The following CCDC171 variants were observed in gnomAD, a reference collection of about 807,000 sequenced individuals.
CCDC171 encodes coiled-coil domain-containing protein 171.
A neutral mutation model predicts 168.2 loss-of-function variants in CCDC171; 177 were observed. The ratio of observed to expected loss-of-function variants is 1.05; its 90% CI spans 0.93 to 1.19. The LOEUF is 1.19. Ranked by LOEUF, CCDC171 falls within the 50% of genes most tolerant of loss-of-function variation. CCDC171 has a pLI of 0.00. For synonymous variants in CCDC171, 687 were observed against 540.8 expected (o/e 1.27, Z -3.75); for missense variants, 1,991 against 1,539.0 (o/e 1.29, Z -4.91).
intron 1 of CCDC171, among the ~76,000 whole-genome samples, chr9:16,045,863 A>G (rs948471044): frequency 6.6e-6 from 1 of 152,170 alleles, no homozygotes; most frequent in Non-Finnish European, 1.5e-5. Flanking sequence ...AATCCTCTCT[A>G]AGAAAAGGTT....
At chr9:15,924,119 A>G (rs1035002616) in intron 25 of CCDC171, among the ~76,000 whole-genome samples, 2 of 151,546 alleles carry the variant, frequency 1.3e-5, no homozygotes, top group Non-Finnish European at 3.0e-5. Flanking sequence ...AGAAGGGAAA[A>G]TCTTCTAAAG....
intron 3 of CCDC171, among the ~76,000 whole-genome samples, chr9:16,002,820 C>T (rs1832592729): frequency 6.6e-6 from 1 of 152,146 alleles, no homozygotes; most frequent in South Asian, 2.1e-4. Flanking sequence ...TTGTACTGTA[C>T]TTTTGCTATG....
intron 14 of CCDC171, among the ~76,000 whole-genome samples, chr9:15,726,382 A>G (rs1021474113): frequency 6.6e-6 from 1 of 152,228 alleles, no homozygotes; most frequent in African/African-American, 2.4e-5. Flanking sequence ...GACACAATGA[A>G]TTATCCTTGA....
intron 9 of CCDC171, among the ~76,000 whole-genome samples, chr9:15,668,691 C>G (rs564488451): frequency 2.3e-4 from 35 of 152,264 alleles, no homozygotes; most frequent in Non-Finnish European, 2.9e-5. Flanking sequence ...TCCCTACTAT[C>G]TGTAGTATAA....
intron 7 of CCDC171, among the ~76,000 whole-genome samples, chr9:15,642,298 T>C (rs969318650): frequency 7.0e-6 from 1 of 143,244 alleles, no homozygotes; most frequent in East Asian, 2.1e-4. Flanking sequence ...TGTATATATA[T>C]ACACATATGT....
At chr9:15,568,437 ATT>A (rs200968258) in intron 2 of CCDC171, among the ~76,000 whole-genome samples, 1 of 151,786 alleles carries the variant, frequency 6.6e-6, no homozygotes, top group South Asian at 2.1e-4. Flanking sequence ...CGCCTGGAGA[ATT>A]TTTTGTATTT....
chr9:15,920,660 A>G lies in CCDC171; in HGVS notation c.3753+238A>G, dbSNP rs1825193732. ...GTTATCAATGCTAAAACACTACATC[A>G]AGATTCCTTTGTGTTTGGCAGTGCA... On this transcript the variant is annotated intron_variant, in intron 25 of 25. Transcript: ENST00000380701. Among the ~76,000 whole-genome samples, 3 of 151,720 alleles carry G rather than the reference A, an allele frequency of 2.0e-5. No homozygotes were observed. In the South Asian group the frequency reaches 6.2e-4, roughly 31 times the overall value.
Position 15,876,994 on chromosome 9 carries a change from T to G in CCDC171, c.3600+2331T>G, listed in dbSNP as rs552857601. 9.1e-4 allele frequency among the ~76,000 whole-genome samples: 138 copies of G among 152,204 alleles called. 1 individual carries two copies. Among genetic ancestry groups the G allele is most frequent in the African/African-American group, 3.2e-3 (134 of 41,532 alleles). On this transcript the variant is annotated intron_variant, in intron 24 of 25. Transcript: ENST00000380701. ...TCTGTCTTTTTCAATGGGGGCAAAC[T>G]TTATTATAGGTATAATCCTGAATGG...
At chr9:15,629,175 G>C (rs1277189297) in intron 7 of CCDC171, among the ~76,000 whole-genome samples, 1 of 152,182 alleles carries the variant, frequency 6.6e-6, no homozygotes, top group Admixed American at 6.6e-5. Context: ...AACAAAGCTG[G>C]ATGGAGAATG....
chr9:15,574,352 C>T (rs1052431339), intron 3 of CCDC171, among the ~76,000 whole-genome samples: 11 of 151,848 alleles, frequency 7.2e-5, no homozygotes, highest in Non-Finnish European at 1.5e-4. Flanking sequence ...ACCATCTTGG[C>T]CAGGCTGGTC....
At chr9:15,792,404 A>G (rs940864263) in intron 21 of CCDC171, among the ~76,000 whole-genome samples, 2 of 152,184 alleles carry the variant, frequency 1.3e-5, no homozygotes, top group Non-Finnish European at 2.9e-5. Flanking sequence ...ACTCTTCAGG[A>G]TATTATCCAG....
At chr9:15,905,130 A>G (rs1289683655) in intron 24 of CCDC171, among the ~76,000 whole-genome samples, 117 of 152,366 alleles carry the variant, frequency 7.7e-4, no homozygotes, top group African/African-American at 2.5e-3. Flanking sequence ...GAAAGTTAAC[A>G]AAGATATCCA....
At chr9:15,894,598 A>G (rs1328971564) in intron 24 of CCDC171, among the ~76,000 whole-genome samples, 1 of 151,736 alleles carries the variant, frequency 6.6e-6, no homozygotes, top group African/African-American at 2.4e-5. Flanking sequence ...AACATTCTCC[A>G]TCTCATTCAC....
intron 18 of CCDC171, among the ~76,000 whole-genome samples, chr9:15,751,027 C>G (rs2055702607): frequency 2.0e-5 from 3 of 152,248 alleles, no homozygotes; most frequent in Non-Finnish European, 4.4e-5. Flanking sequence ...TAGAAAACCC[C>G]ATCGTCTCAG....
chr9:16,022,666 T>C (rs1833198147), intron 5 of CCDC171: 1 of 152,256 alleles, frequency 6.6e-6, no homozygotes, highest in South Asian at 2.1e-4. Context: ...CACCTGAAAT[T>C]GAGACCTTTT....
rs2053682936 is a variant in CCDC171 at position 15,724,652 on chromosome 9, G to A, written c.1492-124G>A. 1.1e-5 allele frequency: 7 copies of A among 632,952 alleles called. No individual in the cohort carries two copies. The Admixed American group carries it at 1.5e-4, about 14-fold the overall frequency. 39.2% of individuals were successfully genotyped at this position (632,952 alleles called of 1,614,324 possible). On this transcript the variant is annotated intron_variant, in intron 13 of 25. Coordinates refer to ENST00000380701, the MANE Select transcript of CCDC171 (RefSeq NM_173550.4). Reference sequence around the variant, plus strand: ...AATATTTTAATGTAAACAAATGCTTGCCTGCCTTTGTGATTCTTTCATTTT... The same window carrying A: ...AATATTTTAATGTAAACAAATGCTTACCTGCCTTTGTGATTCTTTCATTTT...
intron 24 of CCDC171, among the ~76,000 whole-genome samples, chr9:15,893,560 C>A (rs1384755257): frequency 6.6e-6 from 1 of 152,084 alleles, no homozygotes; most frequent in Non-Finnish European, 1.5e-5. Flanking sequence ...CCAGAGTCTA[C>A]AAGCAACTTA....
intron 25 of CCDC171, among the ~76,000 whole-genome samples, chr9:15,938,599 C>G (rs2132256376): frequency 6.6e-6 from 1 of 151,868 alleles, no homozygotes. Context: ...CCATGTTAGA[C>G]TGGTTTGAAG....
chr9:15,642,652 G>C (rs2046734912), intron 7 of CCDC171, among the ~76,000 whole-genome samples: 1 of 151,980 alleles, frequency 6.6e-6, no homozygotes, highest in Non-Finnish European at 1.5e-5. Flanking sequence ...GAAGGAGTTT[G>C]TTTAAAGATT....
Sources: gnomAD v4.1 joint callset for allele counts (sites outside exome capture counted in the v4.1 genomes callset) on GRCh38, gnomAD v4.1.1 for gene constraint, MANE v1.5 for transcripts, NCBI Gene and HGNC (gene_info 2026-07-23, HGNC 2026-07-21) for gene names.